Variants in PDE1A observed in about 807,000 individuals in gnomAD.
The protein encoded by PDE1A is dual specificity calcium/calmodulin-dependent 3',5'-cyclic nucleotide phosphodiesterase 1A.
Under a neutral mutation model 61.7 loss-of-function variants are expected in PDE1A, and 35 were observed. The ratio of observed to expected loss-of-function variants is 0.57; its 90% CI spans 0.43 to 0.75. The LOEUF (loss-of-function observed/expected upper bound fraction) is 0.75. PDE1A is among the 30% of genes least tolerant of loss of function. The probability of loss-of-function intolerance (pLI) is 0.00; values close to 1 mark genes in which losing one functional copy is unlikely to be tolerated. For missense variants in PDE1A, 597 were observed against 630.6 expected, an observed-to-expected ratio of 0.95 and a Z score of 0.57; for synonymous variants, 232 against 213.2, an observed-to-expected ratio of 1.09 and a Z score of -0.77.
At chr2:182,630,973 T>C in the PDE1A span, among the ~76,000 whole-genome samples, 14 of 152,126 alleles carry the variant, frequency 9.2e-5, no homozygotes, top group Non-Finnish European at 1.8e-4. Flanking sequence ...ACTAATCTAA[T>C]GTACATATAC....
the PDE1A span, among the ~76,000 whole-genome samples, chr2:182,668,012 C>G: frequency 1.3e-5 from 2 of 152,072 alleles, no homozygotes; most frequent in Non-Finnish European, 2.9e-5. Flanking sequence ...GATGCAACAC[C>G]CTTCCCAACC....
chr2:182,528,184 G>A (rs1690803876), upstream of PDE1A, among the ~76,000 whole-genome samples: 1 of 152,174 alleles, frequency 6.6e-6, no homozygotes, highest in Admixed American at 6.5e-5. Context: ...GAACTTTCTA[G>A]AGACTTGTTA....
At chr2:182,533,271 A>G in the PDE1A span, among the ~76,000 whole-genome samples, 13 of 152,302 alleles carry the variant, frequency 8.5e-5, no homozygotes, top group East Asian at 2.5e-3. Flanking sequence ...AGATCACACC[A>G]CTGCACTCCA....
chr2:182,452,636 G>A (rs1336694791), intron 2 of PDE1A, among the ~76,000 whole-genome samples: 1 of 152,102 alleles, frequency 6.6e-6, no homozygotes, highest in Non-Finnish European at 1.5e-5. Flanking sequence ...TTGCAATGAA[G>A]CATTTACCAT....
At chr2:182,346,978 AAAG>A (rs1448216094) in intron 1 of PDE1A, among the ~76,000 whole-genome samples, 2 of 152,184 alleles carry the variant, frequency 1.3e-5, no homozygotes, top group African/African-American at 4.8e-5. Flanking sequence ...GGCAGCTGGT[AAAG>A]AAGTAGACTA....
intron 7 of PDE1A, among the ~76,000 whole-genome samples, chr2:182,212,271 A>G (rs1388697798): frequency 6.6e-6 from 1 of 151,650 alleles, no homozygotes; most frequent in Non-Finnish European, 1.5e-5. Context: ...ACATTTATAT[A>G]TATATACACA....
chr2:182,366,210 G>A (rs535813697), intron 1 of PDE1A, among the ~76,000 whole-genome samples: 4 of 152,110 alleles, frequency 2.6e-5, no homozygotes, highest in African/African-American at 9.6e-5. Context: ...TCTCAAGGGT[G>A]GTTCCAAAAG....
chr2:182,485,808 A>T (rs768984424), intron 2 of PDE1A, among the ~76,000 whole-genome samples: 6 of 152,094 alleles, frequency 3.9e-5, no homozygotes, highest in Admixed American at 1.3e-4. Context: ...TCATGATTTT[A>T]AAAAATTCAA....
At chr2:182,154,479 A>G (rs75867928) in intron 13 of PDE1A, among the ~76,000 whole-genome samples, 1 of 152,192 alleles carries the variant, frequency 6.6e-6, no homozygotes, top group East Asian at 1.9e-4. Context: ...CTTGAACTTA[A>G]TAATCCCCAC....
At chr2:182,547,592 G>A in the PDE1A span, among the ~76,000 whole-genome samples, 1 of 152,246 alleles carries the variant, frequency 6.6e-6, no homozygotes, top group East Asian at 1.9e-4. Context: ...GCAGACACTT[G>A]ACACATTCTT....
chr2:182,410,045 T>C (rs1373393238), intron 1 of PDE1A, among the ~76,000 whole-genome samples: 1 of 152,166 alleles, frequency 6.6e-6, no homozygotes, highest in East Asian at 1.9e-4. Context: ...GTTCAGTTAA[T>C]TTACCGTTTT....
chr2:182,612,430 C>T, the PDE1A span, among the ~76,000 whole-genome samples: 1 of 152,174 alleles, frequency 6.6e-6, no homozygotes, highest in African/African-American at 2.4e-5. Flanking sequence ...TGTAAGTTCT[C>T]ATTACACAAA....
chr2:182,511,506 G>A (rs1689787301), intron 2 of PDE1A, among the ~76,000 whole-genome samples: 1 of 152,116 alleles, frequency 6.6e-6, no homozygotes, highest in African/African-American at 2.4e-5. Context: ...CTTTTGAGCT[G>A]GCAGGGAGAG....
At chr2:182,661,103 T>C in the PDE1A span, among the ~76,000 whole-genome samples, 4 of 152,208 alleles carry the variant, frequency 2.6e-5, no homozygotes, top group Non-Finnish European at 5.9e-5. Context: ...GCCTAGTGAG[T>C]TGACATTAAC....
chr2:182,374,051 G>T (rs565118138), intron 1 of PDE1A, among the ~76,000 whole-genome samples: 1 of 152,218 alleles, frequency 6.6e-6, no homozygotes, highest in South Asian at 2.1e-4. Flanking sequence ...TTGGTGAATG[G>T]TGGAGGAGAA....
At chr2:182,192,480 T>A (rs1309053150) in intron 10 of PDE1A, among the ~76,000 whole-genome samples, 2 of 152,122 alleles carry the variant, frequency 1.3e-5, no homozygotes, top group Non-Finnish European at 2.9e-5. Flanking sequence ...GAACTTTGTA[T>A]AAAGAGAATG....
At chr2:182,269,601 T>C (rs766553807) in intron 1 of PDE1A, among the ~76,000 whole-genome samples, 18 of 152,136 alleles carry the variant, frequency 1.2e-4, no homozygotes, top group Non-Finnish European at 1.8e-4. Flanking sequence ...GAACTCATTC[T>C]AGGTGACCAA....
At chr2:182,511,954 G>A (rs1689824972) in intron 2 of PDE1A, among the ~76,000 whole-genome samples, 1 of 152,114 alleles carries the variant, frequency 6.6e-6, no homozygotes, top group African/African-American at 2.4e-5. Context: ...GTGTCCTGCA[G>A]CTGCCCAACA....
intron 1 of PDE1A, chr2:182,522,400 G>A (rs1454038207): frequency 6.2e-7 from 1 of 1,612,508 alleles, no homozygotes; most frequent in East Asian, 2.2e-5. Flanking sequence ...AGACAATACA[G>A]TTACAGTCAG....
Sources: allele counts gnomAD v4.1 joint callset (sites outside exome capture counted in the v4.1 genomes callset), GRCh38; gene constraint gnomAD v4.1.1; transcripts MANE v1.5; gene names NCBI Gene and HGNC (gene_info 2026-07-23, HGNC 2026-07-21).